The following CCDC125 variants were observed in gnomAD, a reference collection of about 807,000 sequenced individuals.
The protein encoded by CCDC125 is coiled-coil domain containing 125.
In CCDC125, 43 loss-of-function variants were observed where a neutral mutation model predicts 57.4. That is an observed-to-expected ratio of 0.75 (90% confidence interval 0.59 to 0.97). The LOEUF is 0.97. Ranked by LOEUF, CCDC125 falls within the 50% of genes least tolerant of loss-of-function variation. The probability of loss-of-function intolerance (pLI) is 0.00; values close to 1 mark genes in which losing one functional copy is unlikely to be tolerated. For synonymous variants in CCDC125, 187 were observed against 195.2 expected, an observed-to-expected ratio of 0.96 and a Z score of 0.35; for missense variants, 563 against 595.7, an observed-to-expected ratio of 0.95 and a Z score of 0.57.
chr5:69,299,913 A>T, intron 8 of CCDC125, 99 bp downstream of exon 8: 1 of 952,372 alleles, frequency 1.1e-6, no homozygotes, highest in Non-Finnish European at 1.7e-6. Flanking sequence ...CAAATTGCTA[A>T]GTATGTGCTA....
intron 1 of CCDC125, among the ~76,000 whole-genome samples, chr5:69,327,575 A>C (rs941636278): frequency 6.6e-6 from 1 of 152,222 alleles, no homozygotes; most frequent in Non-Finnish European, 1.5e-5. Context: ...TTAACGGAGA[A>C]GGCACTGACT....
intron 1 of CCDC125, among the ~76,000 whole-genome samples, chr5:69,327,624 A>G (rs1300704129): frequency 6.6e-6 from 1 of 152,174 alleles, no homozygotes; most frequent in Non-Finnish European, 1.5e-5. Flanking sequence ...ACCACTTGCC[A>G]CTTTTTGATC....
rs1295399185 is a variant in CCDC125, at chr5:69,286,480, CT to C, written c.1100-1014del. On this transcript the variant is annotated intron_variant, in intron 10 of 11. Coordinates refer to ENST00000396496, the MANE Select transcript of CCDC125 (RefSeq NM_176816.5). ...ATCTCCTGACCTCATGATTCGCCCC[CT>C]CTTGGCCTCCCAAAATGCTGGGATT... Among the ~76,000 whole-genome samples the C allele has an allele frequency of 4.6e-5, 7 of 151,546 alleles. No homozygotes were observed. In the East Asian group the frequency reaches 1.2e-3, roughly 25 times the overall value.
chr5:69,276,230 C>T (rs1561382280), downstream of CCDC125, among the ~76,000 whole-genome samples: 1 of 151,976 alleles, frequency 6.6e-6, no homozygotes, highest in Non-Finnish European at 1.5e-5. Context: ...AGTTTCGCCA[C>T]GTTGGCCAAG....
chr5:69,316,735 A>C (rs1249480634), intron 2 of CCDC125, among the ~76,000 whole-genome samples: 1 of 151,896 alleles, frequency 6.6e-6, no homozygotes. Flanking sequence ...CTGGTGTCGA[A>C]CTCCTGGCCT....
the CCDC125 span, among the ~76,000 whole-genome samples, chr5:69,274,829 TG>T: frequency 6.6e-6 from 1 of 152,174 alleles, no homozygotes; most frequent in African/African-American, 2.4e-5. Flanking sequence ...TTATCGAGGC[TG>T]ATCTCGAACT....
At position 69,320,397 on chromosome 5, in the gene CCDC125, A is replaced by T; in HGVS notation, c.144T>A (p.Ser48=). 6.2e-7 allele frequency: 1 copy of T among 1,614,100 alleles called. No individual in the cohort carries two copies. Among genetic ancestry groups the T allele is most frequent in the Non-Finnish European group, 8.5e-7 (1 of 1,180,016 alleles). ...AGTTCTTTCCATCTGATCTTTTTCT[A>T]GACCTATGTGAAAATTCTATTTCAT... ...GIYEIEFSHR[S]RKRSDGKNFS... is the part of the protein sequence containing the mutation. Residue 48 remains serine (S), a synonymous_variant, in exon 2 of 12, where the codon TCT becomes TCA. Transcript: ENST00000396496.
intron 1 of CCDC125, among the ~76,000 whole-genome samples, chr5:69,325,459 C>A (rs77881181): frequency 1.3e-5 from 2 of 151,570 alleles, no homozygotes; most frequent in South Asian, 2.1e-4. Flanking sequence ...TTATTAAGTA[C>A]GAAAATTAAA....
At chr5:69,292,843 CTTT>C (rs796130405) in intron 9 of CCDC125, among the ~76,000 whole-genome samples, 5 of 145,416 alleles carry the variant, frequency 3.4e-5, no homozygotes, top group Middle Eastern at 3.2e-3. Context: ...TCTTCTTCTT[CTTT>C]TTTTTTTTTC....
rs150565928 is a variant in CCDC125, at chr5:69,286,525, G to C, written c.1100-1058C>G. ...TGGGATTACAGGCGTGAGCCACCGC[G>C]CCCGGCCAACTTTAGATATATTTTA... On this transcript the variant is annotated intron_variant, in intron 10 of 11. Transcript: ENST00000396496. Among the ~76,000 whole-genome samples the C allele has an allele frequency of 8.9e-3, 1,356 of 151,682 alleles. 18 individuals carry two copies. Among genetic ancestry groups the C allele is most frequent in the African/African-American group, 0.031 (1,267 of 41,344 alleles).
intron 2 of CCDC125, among the ~76,000 whole-genome samples, chr5:69,314,787 G>C (rs1252962533): frequency 6.6e-6 from 1 of 151,950 alleles, no homozygotes; most frequent in Non-Finnish European, 1.5e-5. Flanking sequence ...TTGAGCAACA[G>C]AGCAAGACTA....
intron 8 of CCDC125, among the ~76,000 whole-genome samples, chr5:69,298,651 C>T (rs1457965545): frequency 6.6e-6 from 1 of 152,216 alleles, no homozygotes; most frequent in African/African-American, 2.4e-5. Context: ...GCTACTTCCT[C>T]ACCTCAGTGC....
At chr5:69,315,263 T>TA (rs11460860) in intron 2 of CCDC125, among the ~76,000 whole-genome samples, 65,266 of 147,444 alleles carry the variant, frequency 0.44, 14,520 homozygotes, top group South Asian at 0.5. Context: ...CTCGAAAAAA[T>TA]AAAAAAAATA....
At chr5:69,331,354 T>C (rs1048665697) in intron 1 of CCDC125, among the ~76,000 whole-genome samples, 1 of 151,650 alleles carries the variant, frequency 6.6e-6, no homozygotes, top group African/African-American at 2.4e-5. Context: ...TGCCTCAGCC[T>C]CCCCAGTAGC....
intron 8 of CCDC125, among the ~76,000 whole-genome samples, chr5:69,297,347 A>ATATT (rs376399179): frequency 5.0e-4 from 75 of 150,984 alleles, no homozygotes; most frequent in African/African-American, 6.6e-4. Context: ...GGCCTGTGCC[A>ATATT]TATTTATTTA....
chr5:69,294,333 G>A (rs1469807814), intron 9 of CCDC125, among the ~76,000 whole-genome samples: 2 of 151,260 alleles, frequency 1.3e-5, no homozygotes, highest in African/African-American at 4.9e-5. Context: ...TGGAGATGGA[G>A]TTTCACTCTT....
chr5:69,283,467 A>G (rs767600701), intron 11 of CCDC125, among the ~76,000 whole-genome samples: 33 of 151,560 alleles, frequency 2.2e-4, no homozygotes, highest in Middle Eastern at 6.9e-3. Flanking sequence ...TGATCAGCCC[A>G]CCTTGGCCTC....
chr5:69,274,225 G>C, the CCDC125 span, among the ~76,000 whole-genome samples: 1 of 152,200 alleles, frequency 6.6e-6, no homozygotes, highest in East Asian at 1.9e-4. Context: ...TTTAAAGTGA[G>C]TTTTGTTTCA....
chr5:69,273,568 T>A, the CCDC125 span, among the ~76,000 whole-genome samples: 15 of 152,262 alleles, frequency 9.9e-5, no homozygotes, highest in Admixed American at 3.9e-4. Flanking sequence ...TGAAAAATAT[T>A]TGAAATAAAA....
Sources: gnomAD v4.1 joint callset for allele counts (sites outside exome capture counted in the v4.1 genomes callset) on GRCh38, gnomAD v4.1.1 for gene constraint, MANE v1.5 for transcripts, NCBI Gene and HGNC (gene_info 2026-07-23, HGNC 2026-07-21) for gene names.